Variants in MIDN observed in about 807,000 individuals in gnomAD.
MIDN encodes the protein midnolin, also known as midbrain nucleolar protein.
MIDN carries 26 observed loss-of-function variants against 46.1 expected under a neutral mutation model. The ratio of observed to expected loss-of-function variants is 0.56; its 90% confidence interval spans 0.41 to 0.78. The LOEUF (loss-of-function observed/expected upper bound fraction) is 0.78, where lower values mean the gene tolerates loss of function less well. MIDN is among the 30% of genes least tolerant of loss of function. The pLI is 0.00. For synonymous variants in MIDN, 432 were observed against 343.3 expected (o/e 1.26, Z -2.86); for missense variants, 850 against 771.8 (o/e 1.10, Z -1.20).
chr19:1,255,819 C>A (rs554446879), intron 8 of MIDN, 125 bp downstream of exon 8: 51 of 888,558 alleles, frequency 5.7e-5, no homozygotes, highest in Non-Finnish European at 7.9e-5. Context: ...TGGCAGCTGC[C>A]GTGGCCACTG....
chr19:1,249,116 G>A (rs1455554142), intron 1 of MIDN, among the ~76,000 whole-genome samples: 1 of 151,044 alleles, frequency 6.6e-6, no homozygotes, highest in Non-Finnish European at 1.5e-5. Context: ...ATCCCCGAGC[G>A]CGCGCGGGCG....
rs1343774230 is a variant in MIDN at position 1,250,428 on chromosome 19, C to T, written c.132C>T (p.Asp44=). Residue 44 remains aspartate, a synonymous_variant, in exon 2 of 9, where the codon GAC becomes GAT. Transcript: ENST00000682408. The part of the protein sequence containing the change: ...AIHSTTGTRY[D]LAVPPDETVE... ...ACAGCACCACGGGCACCCGCTACGA[C>T]CTGGCCGTGCCGCCCGACGAGACGG... 10 of 1,375,206 alleles carry T rather than the reference C, an allele frequency of 7.3e-6. No homozygotes were observed. The East Asian group carries it at 2.3e-4, about 31-fold the overall frequency. The allele number at this position is 1,375,206 out of a possible 1,614,324, so 85.2% of individuals were successfully genotyped here. A position where few individuals can be genotyped will look rare whatever the true frequency, so the allele number is the denominator to read the frequency against.
At chr19:1,253,771 G>A (rs563572228) in intron 4 of MIDN, 183 bp from the exon 5 acceptor site, 11 of 320,060 alleles carry the variant, frequency 3.4e-5, no homozygotes, top group African/African-American at 1.6e-4. Context: ...AGCCCCTCCC[G>A]TATCCACAGG....
At chr19:1,248,928 C>G (rs2081087707) in intron 1 of MIDN, among the ~76,000 whole-genome samples, 1 of 151,994 alleles carries the variant, frequency 6.6e-6, no homozygotes, top group South Asian at 2.1e-4. Context: ...GTTGCCCAGC[C>G]ACACGGTCCC....
In MIDN at chr19:1,257,592, A is replaced by G. The variant is rs1171329710; in HGVS notation, c.*320A>G. ...TCGGTCCTCCCTGCCAACCTTCCCC[A>G]GCTCCAATATGTAGCAGTCTCTCTG... On this transcript the variant is annotated 3_prime_UTR_variant, in exon 9 of 9. Transcript: ENST00000682408. 1.9e-5 allele frequency: 6 copies of G among 322,772 alleles called. No homozygotes were observed. In the South Asian group the frequency reaches 2.9e-4, roughly 16 times the overall value. The allele number at this position is 322,772 out of a possible 1,614,324, so 20.0% of individuals were successfully genotyped here.
intron 4 of MIDN, among the ~76,000 whole-genome samples, chr19:1,252,768 T>C (rs1050303949): frequency 1.1e-4 from 17 of 151,898 alleles, no homozygotes; most frequent in Middle Eastern, 3.4e-3. Flanking sequence ...CCCAGCGGCA[T>C]GTAGAGTCCT....
rs751470107 is a variant in MIDN, at chr19:1,255,111, G to A, written c.985+50G>A. Reference sequence around the variant, plus strand: ...GCTCACGTGTGTCCCGTGACCCTGTGCATTTGGGGTCTACATCCACCCACA... The same window carrying A: ...GCTCACGTGTGTCCCGTGACCCTGTACATTTGGGGTCTACATCCACCCACA... On this transcript the variant is annotated intron_variant, in intron 7 of 8. Coordinates refer to ENST00000682408, the MANE Select transcript of MIDN (RefSeq NM_001388306.1). The A allele has an allele frequency of 7.6e-6, 12 of 1,576,784 alleles. No homozygotes were observed. The South Asian group carries it at 1.2e-4, about 16-fold the overall frequency.
Position 1,253,949 on chromosome 19 carries a change from C to T in MIDN, c.385-5C>T, listed in dbSNP as rs2081165084. 3 of 1,389,352 alleles carry T rather than the reference C, an allele frequency of 2.2e-6. No homozygotes were observed. Among genetic ancestry groups the T allele is most frequent in the Non-Finnish European group, 2.8e-6 (3 of 1,079,190 alleles). The allele number at this position is 1,389,352 out of a possible 1,614,324, so 86.1% of individuals were successfully genotyped here. On this transcript the variant is annotated splice_polypyrimidine_tract_variant and splice_region_variant and intron_variant, in intron 4 of 8. Coordinates refer to ENST00000682408, the MANE Select transcript of MIDN (RefSeq NM_001388306.1). ...CCCCCGTCTGACCCGCCTCTGTCCC[C>T]ACAGCCCCCAGCGGCGCCCGGGCCG...
chr19:1,249,579 G>A (rs1346372263), intron 1 of MIDN, among the ~76,000 whole-genome samples: 1 of 149,914 alleles, frequency 6.7e-6, no homozygotes, highest in Non-Finnish European at 1.5e-5. Context: ...CGGGCTCCGG[G>A]CGCTTATGAA....
chr19:1,252,540 G>A (rs901145383), intron 4 of MIDN, among the ~76,000 whole-genome samples: 1 of 152,116 alleles, frequency 6.6e-6, no homozygotes, highest in Non-Finnish European at 1.5e-5. Context: ...CGGTTTTGCT[G>A]CGGACTTTTT....
In MIDN at chr19:1,251,916, G is replaced by A. The variant is rs775618339; in HGVS notation, c.384+15G>A. On this transcript the variant is annotated intron_variant, in intron 4 of 8. Transcript: ENST00000682408. ...CGGAGACGCAGGTAAGACCTCGCCA[G>A]CCCCTTCCTAACAGGGCAGCCCTGG... 12 of 1,611,104 alleles carry A rather than the reference G, an allele frequency of 7.4e-6. No individual in the cohort carries two copies. Among genetic ancestry groups the A allele is most frequent in the Admixed American group, 3.3e-5 (2 of 59,932 alleles).
Position 1,251,606 on chromosome 19 carries a change from G to A in MIDN, c.278G>A (p.Gly93Asp). The A allele has an allele frequency of 1.2e-6, 2 of 1,606,152 alleles. No individual in the cohort carries two copies. The highest frequency in any genetic ancestry group is 1.7e-6 in the Non-Finnish European group (2 of 1,177,550). The part of the protein sequence containing the change: ...GKLQEFGVGD[G>D]SKLTLVPTVE... ...CTGCAGGAGTTCGGCGTGGGTGATGGCAGCAAGCTGACCTTGGTACCCACC... is the reference window on the plus strand; with the variant it reads ...CTGCAGGAGTTCGGCGTGGGTGATGACAGCAAGCTGACCTTGGTACCCACC... Residue 93 changes from glycine (G) to aspartate (D), a missense_variant, in exon 3 of 9, where the codon GGC (glycine) becomes GAC (aspartate). Transcript: ENST00000682408.
rs765709808 is a variant in MIDN, at chr19:1,256,954, G to A, written c.1259-41G>A. ...TGGGGTGGTCCTCTGTGTTCAGCAG[G>A]TGGAGGCTTTGGGAGTCACAGGCCA... On this transcript the variant is annotated intron_variant, in intron 8 of 8. Coordinates refer to ENST00000682408, the MANE Select transcript of MIDN (RefSeq NM_001388306.1). 9 of 1,600,832 alleles carry A rather than the reference G, an allele frequency of 5.6e-6. No individual in the cohort carries two copies. The South Asian group carries it at 9.9e-5, about 18-fold the overall frequency.
At position 1,255,068 on chromosome 19, in the gene MIDN, G is replaced by C. The variant is rs376218573; in HGVS notation, c.985+7G>C. On this transcript the variant is annotated splice_region_variant and intron_variant, in intron 7 of 8. Transcript: ENST00000682408. ...TTCTCAGGGACCTTCTCTGGTAGGT[G>C]TCACAGCACATGTGTGAGCTCACGT... 77 of 1,610,496 alleles carry C rather than the reference G, an allele frequency of 4.8e-5. No homozygotes were observed. Among genetic ancestry groups the C allele is most frequent in the Non-Finnish European group, 4.6e-5 (54 of 1,177,924 alleles).
At position 1,257,469 on chromosome 19, in the gene MIDN, C is replaced by A; in HGVS notation, c.*197C>A. ...TCTGACCGTGGTTTCCTGGACTCTT[C>A]ATGGGCTTTGCTTCCTACCTCCTTC... is the stretch of plus-strand genomic sequence containing the variant. On this transcript the variant is annotated 3_prime_UTR_variant, in exon 9 of 9. Transcript: ENST00000682408. 3.6e-6 allele frequency: 2 copies of A among 549,184 alleles called. No individual in the cohort carries two copies. The highest frequency in any genetic ancestry group is 2.0e-5 in the African/African-American group (1 of 50,618). The allele number at this position is 549,184 out of a possible 1,614,324, so 34.0% of individuals were successfully genotyped here. A position where few individuals can be genotyped will look rare whatever the true frequency, so the allele number is the denominator to read the frequency against.
At chr19:1,252,639 C>T (rs1171121594) in intron 4 of MIDN, among the ~76,000 whole-genome samples, 2 of 152,164 alleles carry the variant, frequency 1.3e-5, no homozygotes. Flanking sequence ...GAGGGTGACA[C>T]AGGCCTCAGC....
chr19:1,252,761 A>G (rs2081147645), intron 4 of MIDN, among the ~76,000 whole-genome samples: 1 of 151,802 alleles, frequency 6.6e-6, no homozygotes. Context: ...CCGCTTTCCC[A>G]GCGGCATGTA....
At position 1,257,396 on chromosome 19, in the gene MIDN, T is replaced by A; in HGVS notation, c.*124T>A. ...GCGGCCACTCCCCCAGCCAGAAGTC[T>A]TTTTTTCTTTTCTTCTTTTTTATTA... On this transcript the variant is annotated 3_prime_UTR_variant, in exon 9 of 9. Transcript: ENST00000682408. The A allele has an allele frequency of 1.4e-6, 1 of 699,390 alleles. No homozygotes were observed. Among genetic ancestry groups the A allele is most frequent in the Non-Finnish European group, 2.4e-6 (1 of 414,376 alleles). The allele number at this position is 699,390 out of a possible 1,614,324, so 43.3% of individuals were successfully genotyped here.
In MIDN at chr19:1,254,131, C is replaced by T. The variant is rs769924296; in HGVS notation, c.514-36C>T. 3 of 1,572,586 alleles carry T rather than the reference C, an allele frequency of 1.9e-6. No homozygotes were observed. In the South Asian group the frequency reaches 3.4e-5, roughly 18 times the overall value. On this transcript the variant is annotated intron_variant, in intron 5 of 8. Transcript: ENST00000682408. The stretch of plus-strand genomic sequence containing the variant: ...CGGGCTGGGCTGGGGGCGCCGCAAG[C>T]TGGGGCTCCCAGCTGACGGACCGCT...
Sources: gnomAD v4.1 joint callset for allele counts (sites outside exome capture counted in the v4.1 genomes callset) on GRCh38, gnomAD v4.1.1 for gene constraint, MANE v1.5 for transcripts, NCBI Gene and HGNC (gene_info 2026-07-23, HGNC 2026-07-21) for gene names.